Variants in ST8SIA2 observed in about 807,000 individuals in gnomAD.
ST8SIA2 encodes the protein alpha-2,8-sialyltransferase 8B.
A neutral mutation model predicts 37.6 loss-of-function variants in ST8SIA2; 22 were observed. The ratio of observed to expected loss-of-function variants is 0.58; its 90% confidence interval spans 0.42 to 0.83. ST8SIA2 has a LOEUF of 0.83. Among genes scored for constraint, ST8SIA2 ranks in the 40% least tolerant of loss-of-function variants. The pLI is 0.00. For synonymous variants in ST8SIA2, 205 were observed against 201.2 expected, an observed-to-expected ratio of 1.02 and a Z score of -0.16; for missense variants, 382 against 484.7, an observed-to-expected ratio of 0.79 and a Z score of 1.99.
chr15:92,439,135 C>T (rs1473552410), intron 4 of ST8SIA2, among the ~76,000 whole-genome samples: 1 of 152,150 alleles, frequency 6.6e-6, no homozygotes, highest in Non-Finnish European at 1.5e-5. Context: ...TTGCTGATCC[C>T]CTGAGGTAGA....
intron 1 of ST8SIA2, among the ~76,000 whole-genome samples, chr15:92,409,982 C>T (rs1173606690): frequency 5.9e-5 from 9 of 152,170 alleles, no homozygotes; most frequent in Non-Finnish European, 1.2e-4. Flanking sequence ...TGTGTAATGA[C>T]GAGGAATGTG....
intron 5 of ST8SIA2, among the ~76,000 whole-genome samples, chr15:92,451,842 C>A (rs922824052): frequency 6.6e-6 from 1 of 152,146 alleles, no homozygotes; most frequent in African/African-American, 2.4e-5. Context: ...GGGACAGATC[C>A]AGGTCTCCTC....
intron 2 of ST8SIA2, 120 bp from the exon 3 acceptor site, chr15:92,434,127 T>C: frequency 2.1e-6 from 3 of 1,406,434 alleles, no homozygotes; most frequent in Middle Eastern, 1.8e-4. Context: ...AGGTAATAAC[T>C]GCAATTTTGC....
intron 4 of ST8SIA2, among the ~76,000 whole-genome samples, chr15:92,444,281 A>G (rs548410446): frequency 6.6e-6 from 1 of 152,084 alleles, no homozygotes; most frequent in Admixed American, 6.5e-5. Flanking sequence ...CAGATCCCTC[A>G]CTCTGTCACC....
rs74492604 is a variant in ST8SIA2, at chr15:92,401,161, C to T, written c.98+6999C>T. Among the ~76,000 whole-genome samples, 3 of 152,222 alleles carry T rather than the reference C, an allele frequency of 2.0e-5. No homozygotes were observed. In the East Asian group the frequency reaches 5.8e-4, roughly 30 times the overall value. On this transcript the variant is annotated intron_variant, in intron 1 of 5. Transcript: ENST00000268164. ...GAAACGGCCGGGGGAGGGACAGGAACATGAAAGCCACCAGCTGGGTGAGTC... is the reference window on the plus strand; with the variant it reads ...GAAACGGCCGGGGGAGGGACAGGAATATGAAAGCCACCAGCTGGGTGAGTC...
At chr15:92,420,220 C>T (rs1489311921) in intron 1 of ST8SIA2, among the ~76,000 whole-genome samples, 2 of 152,258 alleles carry the variant, frequency 1.3e-5, no homozygotes, top group South Asian at 2.1e-4. Flanking sequence ...GATCAGAGGA[C>T]GAGTCCTGCT....
chr15:92,431,190 G>A (rs540466586), intron 2 of ST8SIA2, among the ~76,000 whole-genome samples: 8 of 152,218 alleles, frequency 5.3e-5, no homozygotes, highest in Non-Finnish European at 8.8e-5. Context: ...GCCCCATTTC[G>A]GAGAAAGAAG....
chr15:92,441,790 AGC>A (rs2049804994), intron 4 of ST8SIA2, among the ~76,000 whole-genome samples: 1 of 152,196 alleles, frequency 6.6e-6, no homozygotes, highest in Non-Finnish European at 1.5e-5. Context: ...TTCTGTATGG[AGC>A]ACTCTGTTTT....
In ST8SIA2 at chr15:92,468,111, G is replaced by T. The variant is rs2050005986; in HGVS notation, c.*3726G>T. On this transcript the variant is annotated 3_prime_UTR_variant, in exon 6 of 6. Transcript: ENST00000268164. ...CCACTAGCACTAATCTCGACTCTTT[G>T]TCACTTGGACTATTTCAGCAACAGT... The T allele has an allele frequency of 6.6e-6, 1 of 152,304 alleles. No individual in the cohort carries two copies. Among genetic ancestry groups the T allele is most frequent in the South Asian group, 2.1e-4 (1 of 4,830 alleles). The allele number at this position is 152,304 out of a possible 1,614,324, so 9.4% of individuals were successfully genotyped here.
At chr15:92,430,380 G>A (rs1193193871) in intron 2 of ST8SIA2, among the ~76,000 whole-genome samples, 1 of 152,108 alleles carries the variant, frequency 6.6e-6, no homozygotes, top group Non-Finnish European at 1.5e-5. Flanking sequence ...GTAATGCCTG[G>A]GACACCAATG....
rs58508323 is a variant in ST8SIA2 at position 92,408,677 on chromosome 15, TTTTATTTA to T, written c.98+14554_98+14561del. ...TTTGAAATCCACTGAGTTCCATTTT[TTTTATTTA>T]TTTATTTATTTATTTATTTATTTAT... On this transcript the variant is annotated intron_variant, in intron 1 of 5. Coordinates refer to ENST00000268164, the MANE Select transcript of ST8SIA2 (RefSeq NM_006011.4). Among the ~76,000 whole-genome samples, 362 of 123,124 alleles carry T rather than the reference TTTTATTTA, an allele frequency of 2.9e-3. 2 individuals carry two copies. Among genetic ancestry groups the T allele is most frequent in the South Asian group, 4.5e-3 (17 of 3,810 alleles). 80.8% of individuals were successfully genotyped at this position (123,124 alleles called of 152,430 possible).
chr15:92,408,639 T>A (rs947786253), intron 1 of ST8SIA2, among the ~76,000 whole-genome samples: 1 of 152,136 alleles, frequency 6.6e-6, no homozygotes, highest in Non-Finnish European at 1.5e-5. Context: ...TAGCTCCCTG[T>A]GCAATTGTCT....
chr15:92,445,053 G>A lies in ST8SIA2; in HGVS notation c.842+124G>A, dbSNP rs550407586. ...ACCACTCATTTGCTGGATGGCCTCAGCAAGTCACCTGGCCTTTCTGAGCCT... is the reference window on the plus strand; with the variant it reads ...ACCACTCATTTGCTGGATGGCCTCAACAAGTCACCTGGCCTTTCTGAGCCT... On this transcript the variant is annotated intron_variant, in intron 5 of 5. Transcript: ENST00000268164. The A allele has an allele frequency of 5.6e-6, 8 of 1,416,292 alleles. No individual in the cohort carries two copies. The East Asian group carries it at 1.6e-4, about 28-fold the overall frequency. 87.7% of individuals were successfully genotyped at this position (1,416,292 alleles called of 1,614,324 possible). A position where few individuals can be genotyped will look rare whatever the true frequency, so the allele number is the denominator to read the frequency against.
At chr15:92,431,619 G>A (rs1014400458) in intron 2 of ST8SIA2, among the ~76,000 whole-genome samples, 3 of 152,156 alleles carry the variant, frequency 2.0e-5, no homozygotes, top group Non-Finnish European at 4.4e-5. Flanking sequence ...TTTGGAAATG[G>A]GGGAGGGGAC....
At position 92,401,648 on chromosome 15, in the gene ST8SIA2, G is replaced by A. The variant is rs140621945; in HGVS notation, c.98+7486G>A. 2.6e-4 allele frequency among the ~76,000 whole-genome samples: 40 copies of A among 152,228 alleles called. 1 individual carries two copies. The East Asian group carries it at 5.0e-3, about 19-fold the overall frequency. ...ATCCAGCATCCAGCCTCGCTGTGTG[G>A]GTGTGCCTTTGACTTCCCAAACTGC... On this transcript the variant is annotated intron_variant, in intron 1 of 5. Coordinates refer to ENST00000268164, the MANE Select transcript of ST8SIA2 (RefSeq NM_006011.4).
chr15:92,466,541 C>G lies in ST8SIA2; in HGVS notation c.*2156C>G, dbSNP rs1169191394. ...CTGAGCTCTATCCACCAAGCCAGCA[C>G]CCCACCATCCCTTTGCAGGGGAGTC... On this transcript the variant is annotated 3_prime_UTR_variant, in exon 6 of 6. Transcript: ENST00000268164. The G allele has an allele frequency of 6.6e-6, 1 of 152,226 alleles. No individual in the cohort carries two copies. Among genetic ancestry groups the G allele is most frequent in the Admixed American group, 6.5e-5 (1 of 15,284 alleles). 9.4% of individuals were successfully genotyped at this position (152,226 alleles called of 1,614,324 possible). A position where few individuals can be genotyped will look rare whatever the true frequency, so the allele number is the denominator to read the frequency against.
intron 1 of ST8SIA2, among the ~76,000 whole-genome samples, chr15:92,418,698 A>C (rs761022985): frequency 6.6e-6 from 1 of 152,086 alleles, no homozygotes; most frequent in Non-Finnish European, 1.5e-5. Flanking sequence ...GTTTAGTTTG[A>C]AAATATATAT....
chr15:92,403,468 A>G (rs1363416802), intron 1 of ST8SIA2, among the ~76,000 whole-genome samples: 1 of 152,172 alleles, frequency 6.6e-6, no homozygotes. Flanking sequence ...ACACAATGGC[A>G]TCTGTCACCA....
At chr15:92,406,116 G>A (rs1264101879) in intron 1 of ST8SIA2, among the ~76,000 whole-genome samples, 2 of 152,228 alleles carry the variant, frequency 1.3e-5, no homozygotes, top group East Asian at 3.8e-4. Context: ...GTAGGGCACA[G>A]CTGTCTCTTC....
Sources: allele counts gnomAD v4.1 joint callset (sites outside exome capture counted in the v4.1 genomes callset), GRCh38; gene constraint gnomAD v4.1.1; transcripts MANE v1.5; gene names NCBI Gene and HGNC (gene_info 2026-07-23, HGNC 2026-07-21).